Variants in CNTNAP5 observed in about 807,000 individuals in gnomAD.
The protein encoded by CNTNAP5 is contactin-associated protein-like 5.
In CNTNAP5, 72 loss-of-function variants were observed where a neutral mutation model predicts 150.2. That is an observed-to-expected ratio of 0.48 (90% CI 0.40 to 0.58). The LOEUF (loss-of-function observed/expected upper bound fraction) is 0.58. CNTNAP5 is among the 20% of genes least tolerant of loss of function. The pLI is 0.00. For synonymous variants in CNTNAP5, 672 were observed against 619.8 expected (o/e 1.08, Z -1.25); for missense variants, 1,636 against 1,626.2 (o/e 1.01, Z -0.10).
intron 7 of CNTNAP5, among the ~76,000 whole-genome samples, chr2:124,486,461 T>A (rs879591979): frequency 2.0e-5 from 3 of 152,212 alleles, no homozygotes; most frequent in African/African-American, 7.2e-5. Flanking sequence ...ATAACACTTT[T>A]TTAAATGTAA....
intron 1 of CNTNAP5, among the ~76,000 whole-genome samples, chr2:124,116,777 G>A (rs914560609): frequency 6.6e-6 from 1 of 152,182 alleles, no homozygotes; most frequent in Non-Finnish European, 1.5e-5. Flanking sequence ...CATCCTTCAT[G>A]AGGAAGATCC....
chr2:124,299,499 C>G (rs1688522179), intron 3 of CNTNAP5, among the ~76,000 whole-genome samples: 1 of 152,178 alleles, frequency 6.6e-6, no homozygotes, highest in South Asian at 2.1e-4. Flanking sequence ...CCATCCATGT[C>G]TCTGCAAAGG....
At chr2:124,310,398 CT>C (rs1414165505) in intron 3 of CNTNAP5, among the ~76,000 whole-genome samples, 2 of 151,922 alleles carry the variant, frequency 1.3e-5, no homozygotes, top group African/African-American at 4.8e-5. Flanking sequence ...TTGGTAAACT[CT>C]TTCCCCTCTA....
intron 17 of CNTNAP5, among the ~76,000 whole-genome samples, chr2:124,777,245 G>A (rs1240377890): frequency 6.6e-6 from 1 of 151,920 alleles, no homozygotes; most frequent in African/African-American, 2.4e-5. Flanking sequence ...AAAAAACATT[G>A]GTTCTGTTTT....
At chr2:124,344,307 A>G (rs1689687048) in intron 3 of CNTNAP5, among the ~76,000 whole-genome samples, 1 of 152,154 alleles carries the variant, frequency 6.6e-6, no homozygotes, top group Non-Finnish European at 1.5e-5. Flanking sequence ...CAAAGTCTAA[A>G]GTCTCACCTG....
At chr2:124,493,181 G>A (rs559378550) in intron 7 of CNTNAP5, among the ~76,000 whole-genome samples, 1 of 152,112 alleles carries the variant, frequency 6.6e-6, no homozygotes, top group African/African-American at 2.4e-5. Flanking sequence ...TTTTCATGAA[G>A]GGATGTTGAC....
chr2:124,185,603 A>G (rs1280194546), intron 1 of CNTNAP5, among the ~76,000 whole-genome samples: 3 of 152,168 alleles, frequency 2.0e-5, no homozygotes, highest in African/African-American at 7.2e-5. Context: ...AGTTATTCAG[A>G]GGATGCTTTA....
intron 7 of CNTNAP5, among the ~76,000 whole-genome samples, chr2:124,496,925 C>A (rs539927480): frequency 6.6e-6 from 1 of 152,114 alleles, no homozygotes; most frequent in Admixed American, 6.6e-5. Context: ...CCATAGCTAC[C>A]TGGATGTATA....
chr2:124,267,710 T>C (rs988163316), intron 3 of CNTNAP5, among the ~76,000 whole-genome samples: 2 of 152,198 alleles, frequency 1.3e-5, no homozygotes, highest in African/African-American at 4.8e-5. Context: ...GGGAGAAATA[T>C]ATATTTTTCT....
At chr2:124,565,146 A>G (rs915165087) in intron 11 of CNTNAP5, among the ~76,000 whole-genome samples, 9 of 152,212 alleles carry the variant, frequency 5.9e-5, no homozygotes, top group African/African-American at 2.2e-4. Context: ...GGATTCACTG[A>G]TGATGTCCAT....
chr2:124,905,974 T>A (rs994731717), intron 22 of CNTNAP5, among the ~76,000 whole-genome samples: 3 of 152,134 alleles, frequency 2.0e-5, no homozygotes, highest in Non-Finnish European at 4.4e-5. Flanking sequence ...CTGGATTGAT[T>A]GGTTTGTGTA....
chr2:124,139,044 CT>C (rs1293701160), intron 1 of CNTNAP5, among the ~76,000 whole-genome samples: 7 of 152,056 alleles, frequency 4.6e-5, no homozygotes, highest in African/African-American at 1.7e-4. Context: ...CACCACATCC[CT>C]GCAGCTGTTC....
At chr2:124,821,062 C>A (rs1396436437) in intron 19 of CNTNAP5, among the ~76,000 whole-genome samples, 4 of 152,198 alleles carry the variant, frequency 2.6e-5, no homozygotes, top group South Asian at 2.1e-4. Flanking sequence ...GGAAACCATG[C>A]AGTTCCCACA....
chr2:124,797,155 G>A (rs1681862387), intron 18 of CNTNAP5, among the ~76,000 whole-genome samples: 2 of 152,122 alleles, frequency 1.3e-5, no homozygotes, highest in African/African-American at 4.8e-5. Flanking sequence ...CATCAGATAA[G>A]AAAACATTCT....
intron 7 of CNTNAP5, among the ~76,000 whole-genome samples, chr2:124,481,827 A>T (rs1419048934): frequency 1.3e-5 from 2 of 152,162 alleles, no homozygotes; most frequent in East Asian, 3.9e-4. Flanking sequence ...TAATATTGAG[A>T]TTACAACCAT....
At chr2:124,762,601 A>G (rs1680981750) in intron 14 of CNTNAP5, among the ~76,000 whole-genome samples, 2 of 152,178 alleles carry the variant, frequency 1.3e-5, no homozygotes, top group African/African-American at 4.8e-5. Flanking sequence ...TGTAGATATT[A>G]TCTCCATTTT....
chr2:124,301,419 A>G (rs556659561), intron 3 of CNTNAP5, among the ~76,000 whole-genome samples: 1 of 152,300 alleles, frequency 6.6e-6, no homozygotes, highest in East Asian at 1.9e-4. Context: ...GGCAATCACT[A>G]GTGAAGGATT....
chr2:124,516,656 G>A (rs1238509186), intron 8 of CNTNAP5, among the ~76,000 whole-genome samples: 1 of 152,162 alleles, frequency 6.6e-6, no homozygotes, highest in Non-Finnish European at 1.5e-5. Flanking sequence ...CTTGTGTGTG[G>A]CTGTCATGGC....
intron 3 of CNTNAP5, among the ~76,000 whole-genome samples, chr2:124,263,632 T>C (rs1190956463): frequency 6.6e-6 from 1 of 152,240 alleles, no homozygotes; most frequent in East Asian, 1.9e-4. Context: ...TCTTTTGCTG[T>C]GCAGAAGCTC....
Sources: allele counts gnomAD v4.1 joint callset (sites outside exome capture counted in the v4.1 genomes callset), GRCh38; gene constraint gnomAD v4.1.1; transcripts MANE v1.5; gene names NCBI Gene and HGNC (gene_info 2026-07-23, HGNC 2026-07-21).